CTCFL: variants seen among roughly 807,000 people sequenced by gnomAD.
CTCFL encodes the protein CCCTC-binding factor like, also known as transcriptional repressor CTCFL.
CTCFL carries 36 observed loss-of-function variants against 67.4 expected under a neutral mutation model. The observed-to-expected ratio is 0.53, with a 90% CI of 0.41 to 0.71. The LOEUF is 0.71. Ranked by LOEUF, CTCFL falls within the 30% of genes least tolerant of loss-of-function variation. The pLI is 0.00. For missense variants in CTCFL, 786 were observed against 835.2 expected (o/e 0.94, Z 0.73); for synonymous variants, 324 against 302.3 (o/e 1.07, Z -0.75).
chr20:57,514,369 G>C (rs772964239), intron 7 of CTCFL, among the ~76,000 whole-genome samples: 2 of 152,208 alleles, frequency 1.3e-5, no homozygotes, highest in African/African-American at 4.8e-5. Context: ...CGTGCATACG[G>C]AACAGGCCTG....
chr20:57,514,441 G>A (rs759822656), intron 7 of CTCFL, 151 bp downstream of exon 7: 49 of 858,044 alleles, frequency 5.7e-5, no homozygotes, highest in Middle Eastern at 6.4e-4. Context: ...CAGATGGTGC[G>A]ACAGGACTTC....
intron 3 of CTCFL, among the ~76,000 whole-genome samples, chr20:57,521,374 C>A (rs1399266219): frequency 6.6e-6 from 1 of 152,208 alleles, no homozygotes; most frequent in Non-Finnish European, 1.5e-5. Flanking sequence ...CCTCTTCACA[C>A]CTGCTAGGAT....
chr20:57,515,760 G>A lies in CTCFL; in HGVS notation c.1134C>T (p.Ala378=), dbSNP rs1174378868. 3 of 1,614,126 alleles carry A rather than the reference G, an allele frequency of 1.9e-6. No homozygotes were observed. Among genetic ancestry groups the A allele is most frequent in the Non-Finnish European group, 2.5e-6 (3 of 1,180,026 alleles). Reference sequence around the variant, plus strand: ...GTTTCAGCTTGTAGGTATCTCTGCTGGCATAGCTGCACTGGCAACACTGAA... The same window carrying A: ...GTTTCAGCTTGTAGGTATCTCTGCTAGCATAGCTGCACTGGCAACACTGAA... ...RPFQCCQCSY[A]SRDTYKLKRH... Residue 378 remains alanine (A), a synonymous_variant, in exon 6 of 11, where the codon GCC becomes GCT. Transcript: ENST00000243914.
At chr20:57,498,822 GA>G in intron 10 of CTCFL, 121 bp from the exon 11 acceptor site, 1 of 836,298 alleles carries the variant, frequency 1.2e-6, no homozygotes, top group South Asian at 1.7e-5. Context: ...AAGCATGTTA[GA>G]AAACAATCTA....
chr20:57,522,981 T>A (rs2069499995), intron 3 of CTCFL, 87 bp downstream of exon 3: 1 of 1,077,430 alleles, frequency 9.3e-7, no homozygotes, highest in East Asian at 2.4e-5. Context: ...AGTCAACCAC[T>A]TAAAACTTCA....
intron 5 of CTCFL, among the ~76,000 whole-genome samples, chr20:57,516,354 A>G (rs1169021240): frequency 6.6e-6 from 1 of 152,124 alleles, no homozygotes; most frequent in Non-Finnish European, 1.5e-5. Flanking sequence ...CCTGGGCAAC[A>G]TAGCAAAACC....
intron 10 of CTCFL, among the ~76,000 whole-genome samples, chr20:57,502,225 A>C (rs564234904): frequency 1.2e-4 from 18 of 152,298 alleles, no homozygotes; most frequent in African/African-American, 4.1e-4. Flanking sequence ...ACGCAGAGAA[A>C]GAGTGGGGGA....
Position 57,497,300 on chromosome 20 carries a change from T to C in CTCFL, c.*1250A>G. ...CAGCCCACAGAATTTAAATCTCATG[T>C]GAGTTGAGTTAAATTAATTTGCTGG... On this transcript the variant is annotated 3_prime_UTR_variant, in exon 11 of 11. Coordinates refer to ENST00000243914, the MANE Select transcript of CTCFL (RefSeq NM_001386993.1). 1.0e-6 allele frequency: 1 copy of C among 984,486 alleles called. No homozygotes were observed. Among genetic ancestry groups the C allele is most frequent in the Non-Finnish European group, 1.2e-6 (1 of 829,046 alleles). 61.0% of individuals were successfully genotyped at this position (984,486 alleles called of 1,614,324 possible).
At chr20:57,523,629 C>T (rs1202692572) in intron 2 of CTCFL, 34 bp downstream of exon 2, 2 of 1,570,290 alleles carry the variant, frequency 1.3e-6, no homozygotes, top group Non-Finnish European at 1.7e-6. Context: ...TTTTCTTTTT[C>T]ATGTAAGGGG....
intron 10 of CTCFL, 95 bp downstream of exon 10, chr20:57,503,341 G>C: frequency 2.1e-6 from 3 of 1,448,272 alleles, no homozygotes; most frequent in Non-Finnish European, 1.9e-6. Context: ...TAGGGGCTCT[G>C]GACACATCCC....
intron 5 of CTCFL, among the ~76,000 whole-genome samples, chr20:57,517,364 C>T (rs959441731): frequency 1.3e-5 from 2 of 150,246 alleles, no homozygotes; most frequent in Admixed American, 6.7e-5. Context: ...GGAACCTCTG[C>T]TTCCCAAGTT....
chr20:57,507,639 T>C, intron 9 of CTCFL: 2 of 702,962 alleles, frequency 2.8e-6, no homozygotes, highest in South Asian at 1.5e-5. Flanking sequence ...GTGCCAGCAG[T>C]TGTGTGGCGG....
In CTCFL at chr20:57,503,525, G is replaced by C. The variant is rs890941545; in HGVS notation, c.1751C>G (p.Thr584Arg). ...CAGGATGGTCTGCTTCCTCTTTCTT[G>C]TTCTTCTTCCCTTTCCTGAAGCAGC... is the stretch of plus-strand genomic sequence containing the variant. Reference protein sequence around the residue: ...KSAASGKGRRTRKRKQTILKE... With the variant: ...KSAASGKGRRRRKRKQTILKE... Residue 584 changes from threonine (T) to arginine (R), a missense_variant, in exon 10 of 11, where the codon ACA becomes AGA. Physicochemically the swap from Thr to Arg is moderately conservative, Grantham distance 71. Around this residue, in one of 3 missense-constraint regions of CTCFL, gnomAD observed 199 missense variants for 196.7 expected, o/e 1.01. Coordinates refer to ENST00000243914, the MANE Select transcript of CTCFL (RefSeq NM_001386993.1). 2 of 1,614,102 alleles carry C rather than the reference G, an allele frequency of 1.2e-6. No individual in the cohort carries two copies. Among genetic ancestry groups the C allele is most frequent in the Admixed American group, 1.7e-5 (1 of 60,018 alleles).
rs1332839613 is a variant in CTCFL at position 57,523,684 on chromosome 20, A to G, written c.522T>C (p.Ala174=). 6.2e-7 allele frequency: 1 copy of G among 1,613,524 alleles called. No individual in the cohort carries two copies. Among genetic ancestry groups the G allele is most frequent in the Admixed American group, 1.7e-5 (1 of 60,026 alleles). Residue 174 remains alanine, a synonymous_variant, in exon 2 of 11, where the codon GCT becomes GCC. Coordinates refer to ENST00000243914, the MANE Select transcript of CTCFL (RefSeq NM_001386993.1). The part of the protein sequence containing the change: ...SEDSKLAVSL[A]ETTGLIKLEE... ...GTACCTTGATCAGTCCAGTAGTTTCAGCCAGGCTCACCGCTAACTTACTGT... is the reference window on the plus strand; with the variant it reads ...GTACCTTGATCAGTCCAGTAGTTTCGGCCAGGCTCACCGCTAACTTACTGT...
In CTCFL at chr20:57,514,633, C is replaced by A; in HGVS notation, c.1289G>T (p.Cys430Phe). ...KHGENVPKYQ[C>F]PHCATIIARK... Reference sequence around the variant, plus strand: ...TGCAATGATGGTGGCACAATGGGGACACTGGTATTTGGGGACATTTTCGCC... The same window carrying A: ...TGCAATGATGGTGGCACAATGGGGAAACTGGTATTTGGGGACATTTTCGCC... The change falls in exon 7 of 11, where the codon TGT (cysteine) becomes TTT (phenylalanine). Residue 430 changes from cysteine to phenylalanine, a missense_variant. By Grantham distance (205) the Cys-to-Phe change is radical. Around this residue, in one of 3 missense-constraint regions of CTCFL, gnomAD observed 254 missense variants for 333.9 expected, o/e 0.76. Transcript: ENST00000243914. The A allele has an allele frequency of 6.2e-7, 1 of 1,614,196 alleles. No homozygotes were observed. Among genetic ancestry groups the A allele is most frequent in the Non-Finnish European group, 8.5e-7 (1 of 1,180,032 alleles).
upstream of CTCFL, chr20:57,525,241 G>A (rs1360646901): frequency 2.9e-5 from 4 of 138,416 alleles, no homozygotes; most frequent in Non-Finnish European, 6.3e-5. Flanking sequence ...TGGGGGCAGG[G>A]GGGAAGGGGA....
At chr20:57,524,891 C>T (rs2069752305) in intron 1 of CTCFL, 137 bp downstream of exon 1, 1 of 395,024 alleles carries the variant, frequency 2.5e-6, no homozygotes, top group Non-Finnish European at 3.4e-6. Context: ...CGCCCCGACC[C>T]GACCCTCCCA....
intron 3 of CTCFL, among the ~76,000 whole-genome samples, chr20:57,521,233 G>C (rs2069334924): frequency 6.6e-6 from 1 of 152,200 alleles, no homozygotes; most frequent in South Asian, 2.1e-4. Context: ...CACAGTGCCA[G>C]TTAAAAATGG....
chr20:57,515,665 T>C (rs1458019153), intron 6 of CTCFL, 49 bp downstream of exon 6: 1 of 1,611,436 alleles, frequency 6.2e-7, no homozygotes, highest in Admixed American at 1.7e-5. Flanking sequence ...AAAGCTTGCT[T>C]TAAGAGTTAA....
Sources: allele counts gnomAD v4.1 joint callset (sites outside exome capture counted in the v4.1 genomes callset), GRCh38; gene constraint gnomAD v4.1.1; regional missense constraint gnomAD v4.1.1; transcripts MANE v1.5; gene names NCBI Gene and HGNC (gene_info 2026-07-23, HGNC 2026-07-21).